The following SYT1 variants were observed in gnomAD, a reference collection of about 807,000 sequenced individuals.
The protein encoded by SYT1 is synaptotagmin 1.
In SYT1, 8 loss-of-function variants were observed where a neutral mutation model predicts 44.8. The ratio of observed to expected loss-of-function variants is 0.18; its 90% CI spans 0.10 to 0.32. SYT1 has a LOEUF of 0.32. SYT1 is among the 10% of genes least tolerant of loss of function. SYT1 has a pLI of 1.00. For missense variants in SYT1, 286 were observed against 509.3 expected (o/e 0.56, Z 4.22); for synonymous variants, 154 against 188.8 (o/e 0.82, Z 1.51).
At chr12:79,102,265 TC>T (rs2138055998) in intron 3 of SYT1, among the ~76,000 whole-genome samples, 1 of 147,542 alleles carries the variant, frequency 6.8e-6, no homozygotes, top group South Asian at 2.2e-4. Flanking sequence ...TCTCTCTCTC[TC>T]TCTTTCTCTC....
chr12:79,084,878 T>C (rs1877276228), intron 3 of SYT1, among the ~76,000 whole-genome samples: 1 of 152,118 alleles, frequency 6.6e-6, no homozygotes, highest in South Asian at 2.1e-4. Flanking sequence ...GTAGCCAAAA[T>C]GCTTGGGACC....
chr12:79,043,901 G>C (rs190713536), intron 2 of SYT1, among the ~76,000 whole-genome samples: 67 of 152,266 alleles, frequency 4.4e-4, no homozygotes, highest in African/African-American at 1.6e-3. Context: ...AGTTTGGCTG[G>C]ATATGAAATT....
intron 2 of SYT1, among the ~76,000 whole-genome samples, chr12:78,997,992 C>T (rs1427433714): frequency 6.6e-6 from 1 of 152,094 alleles, no homozygotes; most frequent in Non-Finnish European, 1.5e-5. Context: ...CATTTAAATT[C>T]AAAACAAGTG....
At chr12:78,900,369 T>C (rs187959909) in intron 1 of SYT1, among the ~76,000 whole-genome samples, 3 of 152,196 alleles carry the variant, frequency 2.0e-5, no homozygotes, top group East Asian at 1.9e-4. Flanking sequence ...ACATTATAAC[T>C]ATGGTGAAAT....
intron 8 of SYT1, among the ~76,000 whole-genome samples, chr12:79,307,510 G>A (rs1386016432): frequency 1.3e-5 from 2 of 152,034 alleles, no homozygotes; most frequent in African/African-American, 4.8e-5. Flanking sequence ...GAGCTGGCGG[G>A]GCTGAGGCTG....
rs567035667 is a variant in SYT1 at position 78,899,794 on chromosome 12, T to G, written c.-217+34685T>G. Among the ~76,000 whole-genome samples the G allele has an allele frequency of 2.6e-5, 4 of 152,138 alleles. No individual in the cohort carries two copies. The South Asian group carries it at 8.3e-4, about 32-fold the overall frequency. ...ACTTAGTTCAATATGCTTTATACTT[T>G]TTATCAAAACTTTGTAATGAATTTT... is the stretch of plus-strand genomic sequence containing the variant. On this transcript the variant is annotated intron_variant, in intron 1 of 10. Coordinates refer to ENST00000261205, the MANE Select transcript of SYT1 (RefSeq NM_005639.3).
intron 3 of SYT1, among the ~76,000 whole-genome samples, chr12:79,180,211 T>TC: frequency 6.6e-6 from 1 of 151,996 alleles, no homozygotes; most frequent in Admixed American, 6.6e-5. Context: ...ATTATTTCTT[T>TC]GAAAATATGA....
intron 4 of SYT1, among the ~76,000 whole-genome samples, chr12:79,234,020 T>G (rs1281134212): frequency 6.6e-6 from 1 of 152,124 alleles, no homozygotes; most frequent in African/African-American, 2.4e-5. Context: ...CAATGTATCT[T>G]ACTGTTTATT....
chr12:79,197,544 T>C (rs1422758188), intron 3 of SYT1, among the ~76,000 whole-genome samples: 1 of 152,046 alleles, frequency 6.6e-6, no homozygotes, highest in Non-Finnish European at 1.5e-5. Context: ...TCCAAAACAG[T>C]AGAAAAGAGA....
intron 9 of SYT1, among the ~76,000 whole-genome samples, chr12:79,359,988 A>G (rs1327062701): frequency 6.6e-6 from 1 of 152,148 alleles, no homozygotes; most frequent in African/African-American, 2.4e-5. Flanking sequence ...AAAAACTAAG[A>G]TTTCAAGGAC....
At chr12:79,338,532 C>A (rs1410425619) in intron 8 of SYT1, among the ~76,000 whole-genome samples, 8 of 151,950 alleles carry the variant, frequency 5.3e-5, no homozygotes, top group Non-Finnish European at 1.2e-4. Flanking sequence ...CCTGACCTCC[C>A]AACAAACTGG....
intron 2 of SYT1, among the ~76,000 whole-genome samples, chr12:79,013,604 G>GT (rs1324252780): frequency 6.6e-6 from 1 of 151,958 alleles, no homozygotes; most frequent in Admixed American, 6.6e-5. Context: ...TATTTCCTGC[G>GT]TTTTTTCCTC....
chr12:79,151,869 G>A (rs1870294730), intron 3 of SYT1, among the ~76,000 whole-genome samples: 1 of 152,152 alleles, frequency 6.6e-6, no homozygotes, highest in Non-Finnish European at 1.5e-5. Flanking sequence ...ATGATATGGA[G>A]TTCAGGAGAG....
chr12:78,945,468 C>G (rs1878602414), intron 1 of SYT1, among the ~76,000 whole-genome samples: 2 of 146,184 alleles, frequency 1.4e-5, no homozygotes. Flanking sequence ...TTATGTGTGT[C>G]TATATATATA....
At chr12:78,866,454 A>G (rs570526016) in intron 1 of SYT1, among the ~76,000 whole-genome samples, 24 of 152,338 alleles carry the variant, frequency 1.6e-4, no homozygotes, top group African/African-American at 5.3e-4. Context: ...TTGTTAAAAG[A>G]AAGAAAAATA....
chr12:79,219,369 C>T (rs2141087), intron 4 of SYT1, among the ~76,000 whole-genome samples: 51 of 151,948 alleles, frequency 3.4e-4, no homozygotes, highest in Non-Finnish European at 2.8e-4. Flanking sequence ...TAATCCCATT[C>T]GTCTATTTGC....
intron 3 of SYT1, among the ~76,000 whole-genome samples, chr12:79,126,720 A>G (rs1868466494): frequency 1.3e-5 from 2 of 152,176 alleles, no homozygotes; most frequent in Non-Finnish European, 2.9e-5. Flanking sequence ...CTACAATAAG[A>G]CAGTGTCCTA....
At chr12:79,114,763 G>A (rs1474111536) in intron 3 of SYT1, among the ~76,000 whole-genome samples, 3 of 152,094 alleles carry the variant, frequency 2.0e-5, no homozygotes, top group South Asian at 2.1e-4. Context: ...ATATTCATTT[G>A]TCTTTGAGGA....
intron 4 of SYT1, among the ~76,000 whole-genome samples, chr12:79,222,380 T>TTTTCTTC: frequency 7.1e-6 from 1 of 141,820 alleles, no homozygotes; most frequent in Non-Finnish European, 1.5e-5. Context: ...TTATTTACTT[T>TTTTCTTC]TTTTTTCTTT....
Sources: gnomAD v4.1 joint callset for allele counts (sites outside exome capture counted in the v4.1 genomes callset) on GRCh38, gnomAD v4.1.1 for gene constraint, MANE v1.5 for transcripts, NCBI Gene and HGNC (gene_info 2026-07-23, HGNC 2026-07-21) for gene names.